The following FEZ1 variants were observed in gnomAD, a reference collection of about 807,000 sequenced individuals.
FEZ1 encodes the protein fasciculation and elongation protein zeta 1, also known as fasciculation and elongation protein zeta-1.
A neutral mutation model predicts 49.3 loss-of-function variants in FEZ1; 20 were observed. The ratio of observed to expected loss-of-function variants is 0.41; its 90% confidence interval spans 0.29 to 0.59. The LOEUF (loss-of-function observed/expected upper bound fraction) is 0.59. Among genes scored for constraint, FEZ1 ranks in the 20% least tolerant of loss-of-function variants. FEZ1 has a pLI of 0.36. For synonymous variants in FEZ1, 170 were observed against 180.9 expected, an observed-to-expected ratio of 0.94 and a Z score of 0.48; for missense variants, 413 against 476.0, an observed-to-expected ratio of 0.87 and a Z score of 1.23.
intron 1 of FEZ1, among the ~76,000 whole-genome samples, chr11:125,492,986 A>T (rs1957396025): frequency 6.7e-6 from 1 of 150,334 alleles, no homozygotes; most frequent in Admixed American, 6.6e-5. Flanking sequence ...AAAAAAAAAA[A>T]GTTAAAAATA....
Position 125,489,272 on chromosome 11 carries a change from G to T in FEZ1, c.311+195C>A. On this transcript the variant is annotated intron_variant, in intron 2 of 9. Transcript: ENST00000278919. This position sits in a 1 kb window ranked among gnomAD's most constrained non-coding sequence, Gnocchi z 4.2. ...TCATTCCTCTAAGGTTTCAATTTAAGAAAGTTCTCCTCAGGGGACTGTAAA... is the reference window on the plus strand; with the variant it reads ...TCATTCCTCTAAGGTTTCAATTTAATAAAGTTCTCCTCAGGGGACTGTAAA... 8.2e-7 allele frequency: 1 copy of T among 1,225,060 alleles called. No homozygotes were observed. Among genetic ancestry groups the T allele is most frequent in the South Asian group, 4.1e-5 (1 of 24,596 alleles). 75.9% of individuals were successfully genotyped at this position (1,225,060 alleles called of 1,614,324 possible). A position where few individuals can be genotyped will look rare whatever the true frequency, so the allele number is the denominator to read the frequency against.
chr11:125,492,203 T>C (rs1392115551), intron 1 of FEZ1, among the ~76,000 whole-genome samples: 2 of 152,186 alleles, frequency 1.3e-5, no homozygotes, highest in Admixed American at 6.5e-5. Flanking sequence ...ACTAGCCACA[T>C]TGCAAGTGCT....
intron 5 of FEZ1, among the ~76,000 whole-genome samples, chr11:125,459,218 T>C (rs2135748507): frequency 6.6e-6 from 1 of 152,368 alleles, no homozygotes; most frequent in Admixed American, 6.5e-5. Context: ...AGAGTGAGAC[T>C]GCTTTCTGTC....
At chr11:125,454,513 A>G (rs1956988905) in intron 6 of FEZ1, among the ~76,000 whole-genome samples, 1 of 152,192 alleles carries the variant, frequency 6.6e-6, no homozygotes, top group Non-Finnish European at 1.5e-5. Flanking sequence ...CAGTTCAGTC[A>G]AACTTAAATG....
rs1176357115 is a variant in FEZ1 at position 125,460,567 on chromosome 11, C to T, written c.598G>A (p.Ala200Thr). 4 of 1,614,150 alleles carry T rather than the reference C, an allele frequency of 2.5e-6. No individual in the cohort carries two copies. In the East Asian group the frequency reaches 8.9e-5, roughly 36 times the overall value. ...ATCTCCTGCAGGAGGACCGAGTCTG[C>T]CTGGGAGGAAGTTTCTCCTCCATCC... Reference protein sequence around the residue: ...EEDGGETSSQADSVLLQEMQA... With the variant: ...EEDGGETSSQTDSVLLQEMQA... Residue 200 changes from alanine to threonine, a missense_variant, in exon 5 of 10, where the codon GCA becomes ACA. By Grantham distance (58) the Ala-to-Thr change is moderately conservative. Transcript: ENST00000278919.
intron 8 of FEZ1, among the ~76,000 whole-genome samples, chr11:125,450,020 T>G (rs1171364295): frequency 6.6e-6 from 1 of 151,830 alleles, no homozygotes; most frequent in Non-Finnish European, 1.5e-5. Flanking sequence ...GGGTCCTGGT[T>G]TCTTCTGGGT....
intron 3 of FEZ1, among the ~76,000 whole-genome samples, chr11:125,465,699 T>C (rs1399336423): frequency 1.3e-5 from 2 of 152,198 alleles, no homozygotes; most frequent in African/African-American, 2.4e-5. Flanking sequence ...CCTGGCTCCT[T>C]CCCTCTATGT....
chr11:125,492,776 A>C (rs1957393656), intron 1 of FEZ1, among the ~76,000 whole-genome samples: 1 of 152,172 alleles, frequency 6.6e-6, no homozygotes, highest in Non-Finnish European at 1.5e-5. Flanking sequence ...AATGTGCAGA[A>C]TATAGAAAGC....
chr11:125,466,849 G>T (rs1957135085), intron 3 of FEZ1, among the ~76,000 whole-genome samples: 1 of 152,068 alleles, frequency 6.6e-6, no homozygotes. Context: ...TGTTTCAAAT[G>T]ACCCCATTCA....
intron 3 of FEZ1, among the ~76,000 whole-genome samples, chr11:125,473,337 A>G (rs1957199692): frequency 6.6e-6 from 1 of 152,216 alleles, no homozygotes; most frequent in South Asian, 2.1e-4. Context: ...ATAATTGAAT[A>G]GCCATATGCA....
intron 3 of FEZ1, among the ~76,000 whole-genome samples, chr11:125,471,995 G>A (rs1957187672): frequency 6.6e-6 from 1 of 152,038 alleles, no homozygotes; most frequent in Non-Finnish European, 1.5e-5. Context: ...AAATTCAGCA[G>A]CAAACTGCCA....
Position 125,452,339 on chromosome 11 carries a change from G to C in FEZ1, c.1091C>G (p.Thr364Arg). The change falls in exon 8 of 10, where the codon ACA (threonine) becomes AGA (arginine). Residue 364 changes from threonine (T) to arginine (R), a missense_variant. Thr to Arg is a moderately conservative substitution (Grantham distance 71). Transcript: ENST00000278919. ...PPSVEDLQML[T>R]NILFAMKEDN... ...TGAGAACAAGAGGAACTCACTGTTT[G>C]TCAGCATCTGCAGGTCTTCCACTGA... The C allele has an allele frequency of 6.2e-7, 1 of 1,605,206 alleles. No homozygotes were observed. Among genetic ancestry groups the C allele is most frequent in the Non-Finnish European group, 8.5e-7 (1 of 1,171,768 alleles).
chr11:125,481,265 A>T (rs1408125089), intron 3 of FEZ1, among the ~76,000 whole-genome samples: 2 of 151,870 alleles, frequency 1.3e-5, no homozygotes, highest in African/African-American at 4.8e-5. Flanking sequence ...CTCCCACCTC[A>T]GTCTCCTGAG....
At chr11:125,460,890 G>T (rs2135750926) in intron 4 of FEZ1, among the ~76,000 whole-genome samples, 1 of 152,274 alleles carries the variant, frequency 6.6e-6, no homozygotes, top group South Asian at 2.1e-4. Flanking sequence ...TCTTCCAAGA[G>T]CTCCTTTTAG....
chr11:125,449,417 T>TAAAAAAAAAAAAAAAAAAAAAAAAAAAAA (rs35920814), intron 8 of FEZ1, among the ~76,000 whole-genome samples: 1 of 27,012 alleles, frequency 3.7e-5, no homozygotes, highest in African/African-American at 1.4e-4. Flanking sequence ...TTTGTCTCTA[T>TAAAAAAAAAAAAAAAAAAAAAAAAAAAAA]AAAAAAAAAA....
rs541953608 is a variant in FEZ1, at chr11:125,443,282, T to C, written c.*2813A>G. Among the ~76,000 whole-genome samples the C allele has an allele frequency of 3.3e-5, 5 of 152,154 alleles. No individual in the cohort carries two copies. Among genetic ancestry groups the C allele is most frequent in the Middle Eastern group, 6.8e-3 (2 of 294 alleles). On this transcript the variant is annotated 3_prime_UTR_variant, in exon 10 of 10. Coordinates refer to ENST00000278919, the MANE Select transcript of FEZ1 (RefSeq NM_005103.5). ...TCAGTTAATTCTTGGGACTCTTCTG[T>C]GAGGTTTCTACAATCCAGAAAGACC...
intron 4 of FEZ1, 59 bp from the exon 5 acceptor site, chr11:125,460,725 T>G: frequency 6.7e-7 from 1 of 1,494,560 alleles, no homozygotes; most frequent in Non-Finnish European, 9.2e-7. Flanking sequence ...GCATTCTGGC[T>G]TGAATTTTGA....
chr11:125,446,925 CT>C (rs756629993), intron 9 of FEZ1, among the ~76,000 whole-genome samples: 10 of 152,058 alleles, frequency 6.6e-5, no homozygotes, highest in Non-Finnish European at 1.3e-4. Context: ...TAAGTTCCTC[CT>C]GCTGAAATTT....
At chr11:125,490,597 C>T (rs1204597488) in intron 1 of FEZ1, among the ~76,000 whole-genome samples, 1 of 152,020 alleles carries the variant, frequency 6.6e-6, no homozygotes, top group Non-Finnish European at 1.5e-5. Context: ...GTGGCTCATG[C>T]TTGTAATCCC....
Sources: allele counts gnomAD v4.1 joint callset (sites outside exome capture counted in the v4.1 genomes callset), GRCh38; gene constraint gnomAD v4.1.1; non-coding constraint Gnocchi (gnomAD v3.1); transcripts MANE v1.5; gene names NCBI Gene and HGNC (gene_info 2026-07-23, HGNC 2026-07-21).